Variants in WWOX observed in about 807,000 individuals in gnomAD.
WWOX encodes the protein WW domain-containing oxidoreductase.
WWOX carries 69 observed loss-of-function variants against 46.2 expected under a neutral mutation model. The ratio of observed to expected loss-of-function variants is 1.49; its 90% CI spans 1.23 to 1.82. WWOX has a LOEUF of 1.82. Among genes scored for constraint, WWOX ranks in the 40% most tolerant of loss-of-function variants. WWOX has a pLI of 0.00. For synonymous variants in WWOX, 359 were observed against 202.6 expected, an observed-to-expected ratio of 1.77 and a Z score of -6.56; for missense variants, 919 against 542.6, an observed-to-expected ratio of 1.69 and a Z score of -6.89.
chr16:79,036,497 T>A (rs2047869528), intron 8 of WWOX, among the ~76,000 whole-genome samples: 1 of 152,238 alleles, frequency 6.6e-6, no homozygotes, highest in African/African-American at 2.4e-5. Flanking sequence ...ATGGTGCAGC[T>A]TCCTCCGAGC....
intron 5 of WWOX, among the ~76,000 whole-genome samples, chr16:78,304,838 C>G (rs939476295): frequency 6.6e-6 from 1 of 152,156 alleles, no homozygotes; most frequent in Non-Finnish European, 1.5e-5. Context: ...CCAACTTTCT[C>G]TCTGTTGAGG....
At chr16:78,524,021 G>A (rs1023864270) in intron 8 of WWOX, among the ~76,000 whole-genome samples, 2 of 152,190 alleles carry the variant, frequency 1.3e-5, no homozygotes, top group Non-Finnish European at 2.9e-5. Flanking sequence ...GTTTCGTGTG[G>A]ATCACATGGG....
chr16:78,276,097 G>T (rs896532423), intron 5 of WWOX, among the ~76,000 whole-genome samples: 1 of 152,192 alleles, frequency 6.6e-6, no homozygotes, highest in Non-Finnish European at 1.5e-5. Flanking sequence ...TTTCATGATG[G>T]CAAGAAGGAG....
intron 8 of WWOX, among the ~76,000 whole-genome samples, chr16:79,092,120 T>A (rs1470530078): frequency 6.6e-6 from 1 of 152,118 alleles, no homozygotes; most frequent in Non-Finnish European, 1.5e-5. Context: ...TTCAGATCAG[T>A]CTTGCTTTCA....
chr16:78,476,688 G>A (rs1051787852), intron 8 of WWOX, among the ~76,000 whole-genome samples: 1 of 152,082 alleles, frequency 6.6e-6, no homozygotes, highest in Non-Finnish European at 1.5e-5. Flanking sequence ...GATCACAGAG[G>A]ATGAAAAGTC....
chr16:78,624,222 T>A (rs76324787), intron 8 of WWOX, among the ~76,000 whole-genome samples: 1 of 145,172 alleles, frequency 6.9e-6, no homozygotes, highest in African/African-American at 2.7e-5. Flanking sequence ...TTTTTTTTTT[T>A]CGTGGAATCA....
At chr16:78,924,040 T>C (rs1345514422) in intron 8 of WWOX, among the ~76,000 whole-genome samples, 1 of 151,972 alleles carries the variant, frequency 6.6e-6, no homozygotes, top group Non-Finnish European at 1.5e-5. Flanking sequence ...ATGGTTTTGA[T>C]ATCCTGATTT....
intron 8 of WWOX, among the ~76,000 whole-genome samples, chr16:78,932,028 G>A (rs539443235): frequency 1.3e-5 from 2 of 152,198 alleles, no homozygotes; most frequent in Non-Finnish European, 2.9e-5. Flanking sequence ...GCCTTCTGCC[G>A]TGATTGTGAG....
intron 8 of WWOX, among the ~76,000 whole-genome samples, chr16:78,816,786 C>G (rs964086249): frequency 6.6e-6 from 1 of 151,576 alleles, no homozygotes; most frequent in East Asian, 1.9e-4. Flanking sequence ...TTTTTGGTTT[C>G]TTGAGAAGAT....
In WWOX at chr16:79,035,832, C is replaced by T. The variant is rs547896816; in HGVS notation, c.1057-175776C>T. ...ACGGTGGCCAAGTTGGTGCTGTGAA[C>T]AGGGATCCTGCCTCTGCCTCCCAAA... is the stretch of plus-strand genomic sequence containing the variant. On this transcript the variant is annotated intron_variant, in intron 8 of 8. Coordinates refer to ENST00000566780, the MANE Select transcript of WWOX (RefSeq NM_016373.4). Among the ~76,000 whole-genome samples, 177 of 152,326 alleles carry T rather than the reference C, an allele frequency of 1.2e-3. 1 individual carries two copies. The highest frequency in any genetic ancestry group is 1.8e-3 in the Non-Finnish European group (122 of 68,040).
intron 8 of WWOX, among the ~76,000 whole-genome samples, chr16:79,121,985 G>T (rs1312294283): frequency 6.6e-6 from 1 of 152,048 alleles, no homozygotes; most frequent in Non-Finnish European, 1.5e-5. Context: ...ATAGCGTCAG[G>T]CTCCTCTAGG....
At chr16:78,815,219 G>A (rs566260960) in intron 8 of WWOX, among the ~76,000 whole-genome samples, 16 of 152,226 alleles carry the variant, frequency 1.1e-4, no homozygotes, top group Non-Finnish European at 2.1e-4. Flanking sequence ...CAGCTACTTG[G>A]GAGGTTGAGA....
intron 5 of WWOX, among the ~76,000 whole-genome samples, chr16:78,378,423 T>C (rs1008067765): frequency 6.6e-6 from 1 of 152,182 alleles, no homozygotes; most frequent in Admixed American, 6.5e-5. Flanking sequence ...CACTAGTCAA[T>C]GAAAGCAACT....
intron 8 of WWOX, among the ~76,000 whole-genome samples, chr16:79,138,297 T>C (rs549232918): frequency 1.3e-5 from 2 of 152,344 alleles, no homozygotes; most frequent in Non-Finnish European, 1.5e-5. Context: ...GTCATGATCC[T>C]TTTGTGTGGA....
intron 8 of WWOX, among the ~76,000 whole-genome samples, chr16:79,022,667 T>G (rs566322067): frequency 3.3e-5 from 5 of 152,304 alleles, no homozygotes; most frequent in African/African-American, 9.6e-5. Context: ...GGGGCTGATT[T>G]ATGCCAAATG....
intron 8 of WWOX, among the ~76,000 whole-genome samples, chr16:78,668,327 C>T (rs1314068028): frequency 6.6e-6 from 1 of 152,128 alleles, no homozygotes; most frequent in African/African-American, 2.4e-5. Context: ...TACCCCCACG[C>T]CTGTCTTTTC....
intron 4 of WWOX, among the ~76,000 whole-genome samples, chr16:78,135,665 T>C (rs2033763350): frequency 6.6e-6 from 1 of 151,948 alleles, no homozygotes; most frequent in South Asian, 2.1e-4. Context: ...ATGAGAATAA[T>C]TAGACTGACA....
chr16:78,869,252 C>G (rs1413208212), intron 8 of WWOX, among the ~76,000 whole-genome samples: 1 of 152,106 alleles, frequency 6.6e-6, no homozygotes, highest in African/African-American at 2.4e-5. Context: ...TATCCTGTCA[C>G]CCTGCTGGAA....
At chr16:78,112,110 C>G (rs1049967072) in intron 3 of WWOX, 4 of 152,248 alleles carry the variant, frequency 2.6e-5, no homozygotes, top group African/African-American at 9.6e-5. Flanking sequence ...AATCCCTCGT[C>G]TCTGCACACG....
Sources: gnomAD v4.1 joint callset for allele counts (sites outside exome capture counted in the v4.1 genomes callset) on GRCh38, gnomAD v4.1.1 for gene constraint, MANE v1.5 for transcripts, NCBI Gene and HGNC (gene_info 2026-07-23, HGNC 2026-07-21) for gene names.